The following UHRF2 variants were observed in gnomAD, a reference collection of about 807,000 sequenced individuals.
UHRF2 encodes the protein ubiquitin like with PHD and ring finger domains 2.
A neutral mutation model predicts 96.8 loss-of-function variants in UHRF2; 23 were observed. The ratio of observed to expected loss-of-function variants is 0.24; its 90% CI spans 0.17 to 0.34. The LOEUF (loss-of-function observed/expected upper bound fraction) is 0.34, where lower values mean the gene tolerates loss of function less well. UHRF2 is among the 10% of genes least tolerant of loss of function. UHRF2 has a pLI of 1.00. For synonymous variants in UHRF2, 385 were observed against 332.6 expected, an observed-to-expected ratio of 1.16 and a Z score of -1.72; for missense variants, 685 against 981.5, an observed-to-expected ratio of 0.70 and a Z score of 4.04.
rs2130960107 is a variant in UHRF2 at position 6,497,108 on chromosome 9, G to C, written c.1605-90G>C. On this transcript the variant is annotated intron_variant, in intron 10 of 15. Transcript: ENST00000276893. ...TCATAGAATCTTAACCATCAGGTAA[G>C]GTATAATTCACCTTTTAATTGAGCT... 4 of 1,118,562 alleles carry C rather than the reference G, an allele frequency of 3.6e-6. No homozygotes were observed. The South Asian group carries it at 4.6e-5, about 13-fold the overall frequency. The allele number at this position is 1,118,562 out of a possible 1,614,324, so 69.3% of individuals were successfully genotyped here.
Position 6,481,685 on chromosome 9 carries a change from G to A in UHRF2, c.1203G>A (p.Lys401=), listed in dbSNP as rs1403346006. The A allele has an allele frequency of 6.2e-7, 1 of 1,613,804 alleles. No individual in the cohort carries two copies. Among genetic ancestry groups the A allele is most frequent in the East Asian group, 2.2e-5 (1 of 44,862 alleles). Residue 401 remains lysine, a synonymous_variant, in exon 7 of 16, where the codon AAG becomes AAA. Coordinates refer to ENST00000276893, the MANE Select transcript of UHRF2 (RefSeq NM_152896.3). The part of the protein sequence containing the change: ...SCKTDSSEVV[K]AGERLKMSKK... ...AAACTGATTCCAGTGAAGTTGTAAAGGCTGGTGAAAGACTCAAGATGAGTA... is the reference window on the plus strand; with the variant it reads ...AAACTGATTCCAGTGAAGTTGTAAAAGCTGGTGAAAGACTCAAGATGAGTA...
chr9:6,413,809 C>G, intron 1 of UHRF2, 166 bp downstream of exon 1: 2 of 865,222 alleles, frequency 2.3e-6, no homozygotes, highest in Non-Finnish European at 3.2e-6. Flanking sequence ...CCAGTCCCGC[C>G]GAATGGTGGG....
Position 6,486,936 on chromosome 9 carries a change from A to T in UHRF2, c.1497+11A>T. 6.2e-7 allele frequency: 1 copy of T among 1,613,184 alleles called. No individual in the cohort carries two copies. Among genetic ancestry groups the T allele is most frequent in the Non-Finnish European group, 8.5e-7 (1 of 1,179,312 alleles). ...TTTGCGGATGAAGTCGTAAGTCATTATACAACCTTACTCATTAGTACCTGC... is the reference window on the plus strand; with the variant it reads ...TTTGCGGATGAAGTCGTAAGTCATTTTACAACCTTACTCATTAGTACCTGC... On this transcript the variant is annotated intron_variant, in intron 9 of 15. Coordinates refer to ENST00000276893, the MANE Select transcript of UHRF2 (RefSeq NM_152896.3).
chr9:6,498,034 C>T lies in UHRF2; in HGVS notation c.1784C>T (p.Pro595Leu). ...DGIYKVVKYW[P>L]EISSSHGFLV... ...GTGATTTAGGTGGTGAAATACTGGC[C>T]AGAGATTTCATCAAGCCATGGATTC... Residue 595 changes from proline to leucine, a missense_variant, in exon 12 of 16, where the codon CCA becomes CTA. Physicochemically the swap from Pro to Leu is moderately conservative, Grantham distance 98. Coordinates refer to ENST00000276893, the MANE Select transcript of UHRF2 (RefSeq NM_152896.3). 1 of 1,612,748 alleles carries T rather than the reference C, an allele frequency of 6.2e-7. No individual in the cohort carries two copies.
chr9:6,427,496 G>T (rs1383785639), intron 2 of UHRF2, among the ~76,000 whole-genome samples: 2 of 152,000 alleles, frequency 1.3e-5, no homozygotes, highest in Non-Finnish European at 2.9e-5. Context: ...CAACCATCCT[G>T]GCCAACATGG....
rs565968543 is a variant in UHRF2 at position 6,485,585 on chromosome 9, A to G, written c.1393-1236A>G. Among the ~76,000 whole-genome samples, 122 of 150,674 alleles carry G rather than the reference A, an allele frequency of 8.1e-4. 1 individual carries two copies. The highest frequency in any genetic ancestry group is 3.4e-3 in the East Asian group (17 of 5,050). Reference sequence around the variant, plus strand: ...TGCTGTCACCTTCTTGTTGGCTTCTAAAAGCTTCTAAAGTGCCTTTCCACC... The same window carrying G: ...TGCTGTCACCTTCTTGTTGGCTTCTGAAAGCTTCTAAAGTGCCTTTCCACC... On this transcript the variant is annotated intron_variant, in intron 8 of 15. Transcript: ENST00000276893.
intron 4 of UHRF2, among the ~76,000 whole-genome samples, chr9:6,465,643 A>T (rs866475330): frequency 1.4e-3 from 206 of 152,236 alleles, no homozygotes; most frequent in African/African-American, 4.7e-3. Context: ...TTCTGAATTT[A>T]GTTTGTGACT....
chr9:6,453,177 C>G (rs1245767627), intron 3 of UHRF2, among the ~76,000 whole-genome samples: 4 of 152,136 alleles, frequency 2.6e-5, no homozygotes, highest in Admixed American at 1.3e-4. Flanking sequence ...GCAGGAATAG[C>G]TTAAATTCCC....
chr9:6,419,453 C>G (rs1453410104), intron 1 of UHRF2, among the ~76,000 whole-genome samples: 1 of 152,034 alleles, frequency 6.6e-6, no homozygotes, highest in Non-Finnish European at 1.5e-5. Flanking sequence ...TTAGAATTAT[C>G]CCTTCTTGTT....
chr9:6,496,520 T>C (rs1824981682), intron 10 of UHRF2: 1 of 152,226 alleles, frequency 6.6e-6, no homozygotes, highest in Admixed American at 6.5e-5. Context: ...TTCAGTGTTC[T>C]TCTTTGACCA....
chr9:6,430,851 G>A (rs1282526177), intron 2 of UHRF2, among the ~76,000 whole-genome samples: 1 of 152,136 alleles, frequency 6.6e-6, no homozygotes, highest in Non-Finnish European at 1.5e-5. Flanking sequence ...TTCTCTTGGG[G>A]AATGAGTAAT....
intron 2 of UHRF2, among the ~76,000 whole-genome samples, chr9:6,424,031 A>G (rs1820094184): frequency 6.6e-6 from 1 of 152,156 alleles, no homozygotes; most frequent in South Asian, 2.1e-4. Flanking sequence ...CTATACCGGT[A>G]TTCCCTTTAA....
intron 2 of UHRF2, among the ~76,000 whole-genome samples, chr9:6,428,981 A>G (rs1264920053): frequency 6.6e-6 from 1 of 152,226 alleles, no homozygotes; most frequent in Non-Finnish European, 1.5e-5. Context: ...CCTGGCCAAC[A>G]TGGTGAAACC....
intron 2 of UHRF2, among the ~76,000 whole-genome samples, chr9:6,423,387 T>C (rs969928971): frequency 2.0e-5 from 3 of 152,184 alleles, no homozygotes; most frequent in South Asian, 2.1e-4. Flanking sequence ...TTCACTAACA[T>C]TGACATAAAA....
At chr9:6,413,867 G>C (rs1216444474) in intron 1 of UHRF2, 3 of 455,118 alleles carry the variant, frequency 6.6e-6, no homozygotes, top group African/African-American at 4.1e-5. Context: ...CGCGGGGTCA[G>C]AAGTGAGGGC....
At chr9:6,428,624 A>G (rs988283319) in intron 2 of UHRF2, among the ~76,000 whole-genome samples, 1 of 124,700 alleles carries the variant, frequency 8.0e-6, no homozygotes, top group Non-Finnish European at 1.6e-5. Context: ...ATCATAGCTT[A>G]CTGCAGCCCC....
chr9:6,468,404 AG>A, intron 4 of UHRF2: 1 of 455,922 alleles, frequency 2.2e-6, no homozygotes, highest in South Asian at 1.5e-5. Flanking sequence ...ACAACTAAAT[AG>A]CCCGATCAAA....
Position 6,434,001 on chromosome 9 carries a change from C to A in UHRF2, c.472C>A (p.Gln158Lys). The A allele has an allele frequency of 6.2e-7, 1 of 1,614,052 alleles. No homozygotes were observed. Among genetic ancestry groups the A allele is most frequent in the Non-Finnish European group, 8.5e-7 (1 of 1,180,008 alleles). ...TAGTGTTACTAGAGCTTCTGATGGACAGTCACGTGGCAAAACTCCACTGAA... is the reference window on the plus strand; with the variant it reads ...TAGTGTTACTAGAGCTTCTGATGGAAAGTCACGTGGCAAAACTCCACTGAA... ...IHSVTRASDG[Q>K]SRGKTPLKNG... Residue 158 changes from glutamine (Q) to lysine (K), a missense_variant, in exon 3 of 16, where the codon CAG (glutamine) becomes AAG (lysine). Transcript: ENST00000276893.
intron 7 of UHRF2, 21 bp from the exon 8 acceptor site, chr9:6,481,971 C>T (rs772396676): frequency 2.7e-5 from 44 of 1,605,280 alleles, no homozygotes; most frequent in Admixed American, 1.9e-4. Context: ...GATTTCTCAA[C>T]GTTTGTTTTG....
Sources: allele counts gnomAD v4.1 joint callset (sites outside exome capture counted in the v4.1 genomes callset), GRCh38; gene constraint gnomAD v4.1.1; transcripts MANE v1.5; gene names NCBI Gene and HGNC (gene_info 2026-07-23, HGNC 2026-07-21).